The following AFG2A variants were observed in gnomAD, a reference collection of about 807,000 sequenced individuals.
AFG2A encodes ATPase family gene 2 protein homolog A.
the AFG2A span, among the ~76,000 whole-genome samples, chr4:123,208,864 T>C: frequency 6.6e-6 from 1 of 152,228 alleles, no homozygotes; most frequent in Non-Finnish European, 1.5e-5. Flanking sequence ...ATGCAACTCC[T>C]AAAATCCTTA....
chr4:122,927,366 T>G, the AFG2A span, among the ~76,000 whole-genome samples: 1 of 152,112 alleles, frequency 6.6e-6, no homozygotes, highest in African/African-American at 2.4e-5. Flanking sequence ...CTTAATGAAA[T>G]TAGAGACTCA....
chr4:123,016,018 G>A, the AFG2A span, among the ~76,000 whole-genome samples: 9 of 20,842 alleles, frequency 4.3e-4, 3 homozygotes, highest in African/African-American at 7.7e-4. Flanking sequence ...TGGATGGGGC[G>A]GCTGGCTGGG....
chr4:123,150,831 A>G, the AFG2A span, among the ~76,000 whole-genome samples: 1 of 152,184 alleles, frequency 6.6e-6, no homozygotes, highest in Admixed American at 6.5e-5. Flanking sequence ...AGCAAAAAGA[A>G]CAAAGCTGGA....
At chr4:123,203,977 T>A in the AFG2A span, among the ~76,000 whole-genome samples, 14 of 152,218 alleles carry the variant, frequency 9.2e-5, no homozygotes, top group Admixed American at 7.2e-4. Context: ...CTCCTGTTAT[T>A]CTTGGCTTGT....
the AFG2A span, among the ~76,000 whole-genome samples, chr4:123,237,059 C>A: frequency 2.6e-5 from 4 of 152,320 alleles, no homozygotes; most frequent in African/African-American, 9.6e-5. Flanking sequence ...TTAAAAACCA[C>A]TACTCTAAAG....
the AFG2A span, among the ~76,000 whole-genome samples, chr4:123,302,397 A>T: frequency 1.3e-5 from 2 of 152,128 alleles, no homozygotes; most frequent in African/African-American, 4.8e-5. Context: ...TACAAACCTC[A>T]ACATAGGATG....
chr4:123,279,759 G>A, the AFG2A span, among the ~76,000 whole-genome samples: 2 of 152,226 alleles, frequency 1.3e-5, no homozygotes, highest in East Asian at 3.9e-4. Flanking sequence ...ATACTGAAGG[G>A]TTCAAGAAAT....
the AFG2A span, among the ~76,000 whole-genome samples, chr4:123,021,416 G>A: frequency 6.6e-6 from 1 of 152,042 alleles, no homozygotes; most frequent in Non-Finnish European, 1.5e-5. Flanking sequence ...GATATAAATA[G>A]AACTTCAGTT....
the AFG2A span, among the ~76,000 whole-genome samples, chr4:123,043,268 C>G: frequency 6.6e-6 from 1 of 152,122 alleles, no homozygotes; most frequent in African/African-American, 2.4e-5. Context: ...CTTATATTCT[C>G]ATTTCTCTTA....
chr4:123,185,232 T>C, the AFG2A span, among the ~76,000 whole-genome samples: 2 of 152,244 alleles, frequency 1.3e-5, no homozygotes, highest in Admixed American at 6.5e-5. Context: ...TGTACCTGTT[T>C]ATCTCGTTTA....
the AFG2A span, among the ~76,000 whole-genome samples, chr4:123,223,499 G>C: frequency 6.6e-6 from 1 of 152,078 alleles, no homozygotes; most frequent in Non-Finnish European, 1.5e-5. Context: ...AACATGGCTG[G>C]GGAGGCCTCA....
the AFG2A span, among the ~76,000 whole-genome samples, chr4:123,093,848 T>C: frequency 1.3e-5 from 2 of 152,216 alleles, no homozygotes; most frequent in African/African-American, 4.8e-5. Context: ...ATGTTGACTT[T>C]AGAAGATACA....
At chr4:123,276,690 T>C in the AFG2A span, among the ~76,000 whole-genome samples, 1 of 152,208 alleles carries the variant, frequency 6.6e-6, no homozygotes, top group African/African-American at 2.4e-5. Context: ...AGTTTCAATC[T>C]TCTGTACATG....
chr4:122,985,195 G>A, the AFG2A span, among the ~76,000 whole-genome samples: 1 of 149,544 alleles, frequency 6.7e-6, no homozygotes, highest in South Asian at 2.1e-4. Context: ...GTGCAATCTC[G>A]GCTCATCGCA....
chr4:123,274,932 C>G, the AFG2A span, among the ~76,000 whole-genome samples: 49 of 152,244 alleles, frequency 3.2e-4, no homozygotes, highest in African/African-American at 1.1e-3. Flanking sequence ...GACTTATACA[C>G]TACATGATTC....
chr4:123,141,852 T>C, the AFG2A span, among the ~76,000 whole-genome samples: 2 of 152,182 alleles, frequency 1.3e-5, no homozygotes, highest in Non-Finnish European at 2.9e-5. Context: ...TTTCTTTCAT[T>C]CTGTGGGTTG....
At chr4:123,011,835 G>A in the AFG2A span, among the ~76,000 whole-genome samples, 1 of 152,074 alleles carries the variant, frequency 6.6e-6, no homozygotes, top group South Asian at 2.1e-4. Flanking sequence ...GAGACAGAGT[G>A]AAGGGGTGGG....
At chr4:122,971,729 T>C in the AFG2A span, among the ~76,000 whole-genome samples, 1 of 150,930 alleles carries the variant, frequency 6.6e-6, no homozygotes, top group Non-Finnish European at 1.5e-5. Flanking sequence ...TTCCTAGCTT[T>C]TAAAAAAATA....
chr4:123,073,519 C>T, the AFG2A span, among the ~76,000 whole-genome samples: 3 of 152,122 alleles, frequency 2.0e-5, no homozygotes, highest in Non-Finnish European at 4.4e-5. Flanking sequence ...GTAATTCATA[C>T]TCCTCCCAAA....
Sources: gnomAD v4.1 joint callset for allele counts (sites outside exome capture counted in the v4.1 genomes callset) on GRCh38, gnomAD v4.1.1 for gene constraint, MANE v1.5 for transcripts, NCBI Gene and HGNC (gene_info 2026-07-23, HGNC 2026-07-21) for gene names.